The following GTF2I variants were observed in gnomAD, a reference collection of about 807,000 sequenced individuals.
The protein encoded by GTF2I is general transcription factor II-I.
In GTF2I, 12 loss-of-function variants were observed where a neutral mutation model predicts 67.6. That is an observed-to-expected ratio of 0.18 (90% CI 0.11 to 0.29). The LOEUF is 0.29. GTF2I is among the 10% of genes least tolerant of loss of function. The pLI, the probability that GTF2I is intolerant of heterozygous loss-of-function variation, is 1.00. For synonymous variants in GTF2I, 149 were observed against 197.0 expected (o/e 0.76, Z 2.04); for missense variants, 271 against 580.1 (o/e 0.47, Z 5.47).
At chr7:74,732,108 T>C (rs1794536681) in intron 14 of GTF2I, among the ~76,000 whole-genome samples, 1 of 148,216 alleles carries the variant, frequency 6.7e-6, no homozygotes, top group Non-Finnish European at 1.5e-5. Flanking sequence ...TACACACATA[T>C]ACATATATAT....
chr7:74,714,762 A>G (rs1346665219), intron 9 of GTF2I, 95 bp from the exon 10 acceptor site: 4 of 639,088 alleles, frequency 6.3e-6, no homozygotes, highest in South Asian at 2.4e-5. Flanking sequence ...TAAAAAGGCC[A>G]TTCCATGTAT....
chr7:74,729,899 G>T (rs1257537859), intron 13 of GTF2I, among the ~76,000 whole-genome samples: 1 of 150,362 alleles, frequency 6.7e-6, no homozygotes, highest in Non-Finnish European at 1.5e-5. Context: ...TCTCCCTTTT[G>T]TCGTGTTTCA....
At chr7:74,666,530 C>T (rs75783496) in intron 1 of GTF2I, among the ~76,000 whole-genome samples, 20 of 151,810 alleles carry the variant, frequency 1.3e-4, no homozygotes, top group South Asian at 6.2e-4. Context: ...TTTTCCCCCC[C>T]GGTAAGCATT....
At chr7:74,683,904 T>G (rs1359329722) in intron 1 of GTF2I, among the ~76,000 whole-genome samples, 1 of 152,100 alleles carries the variant, frequency 6.6e-6, no homozygotes, top group East Asian at 1.9e-4. Flanking sequence ...GCATTCCTTA[T>G]GAGCACAGAG....
intron 1 of GTF2I, among the ~76,000 whole-genome samples, chr7:74,674,839 G>T (rs1258102386): frequency 2.9e-5 from 4 of 136,158 alleles, no homozygotes; most frequent in African/African-American, 1.1e-4. Flanking sequence ...GAGCCACTAT[G>T]CCCAGCCCTC....
intron 2 of GTF2I, among the ~76,000 whole-genome samples, chr7:74,689,614 A>T (rs1416785154): frequency 6.6e-6 from 1 of 151,872 alleles, no homozygotes. Flanking sequence ...TCAGCCGCCC[A>T]AAGTGCTGGG....
chr7:74,725,510 G>A (rs1256634932), intron 12 of GTF2I, among the ~76,000 whole-genome samples: 1 of 145,470 alleles, frequency 6.9e-6, no homozygotes, highest in Non-Finnish European at 1.5e-5. Context: ...AACATAGGGG[G>A]ACCCCTATCT....
Position 74,683,290 on chromosome 7 carries a change from C to T in GTF2I, c.-5-5834C>T, listed in dbSNP as rs114815596. On this transcript the variant is annotated intron_variant, in intron 1 of 34. Coordinates refer to ENST00000573035, the MANE Select transcript of GTF2I (RefSeq NM_032999.4). ...GAATGGGAATCACCTAAAAAGAGAC[C>T]GTAGATTACTTCTCAATAGCGACAG... 6.3e-3 allele frequency among the ~76,000 whole-genome samples: 957 copies of T among 152,166 alleles called. 11 individuals carry two copies. Among genetic ancestry groups the T allele is most frequent in the African/African-American group, 0.022 (907 of 41,516 alleles).
intron 11 of GTF2I, among the ~76,000 whole-genome samples, chr7:74,717,649 G>A (rs1340902970): frequency 1.3e-5 from 2 of 151,994 alleles, no homozygotes; most frequent in Non-Finnish European, 2.9e-5. Flanking sequence ...CTCATAAATT[G>A]GTCATGTTAT....
At chr7:74,679,455 A>G (rs923637812) in intron 1 of GTF2I, among the ~76,000 whole-genome samples, 2 of 152,128 alleles carry the variant, frequency 1.3e-5, no homozygotes, top group Admixed American at 6.6e-5. Context: ...AGTGTCCACT[A>G]TCATCTTTGC....
chr7:74,702,314 G>A (rs181979999), intron 6 of GTF2I, among the ~76,000 whole-genome samples: 4 of 151,594 alleles, frequency 2.6e-5, no homozygotes, highest in Non-Finnish European at 4.4e-5. Context: ...TGCAACCTCC[G>A]CCTCGTGGAT....
At chr7:74,698,873 A>G in intron 3 of GTF2I, 88 bp from the exon 4 acceptor site, 1 of 550,810 alleles carries the variant, frequency 1.8e-6, no homozygotes, top group Non-Finnish European at 2.8e-6. Flanking sequence ...GGATACAGGA[A>G]AACGATTTTT....
At chr7:74,685,233 C>T (rs1214878224) in intron 1 of GTF2I, among the ~76,000 whole-genome samples, 3 of 152,244 alleles carry the variant, frequency 2.0e-5, no homozygotes, top group Non-Finnish European at 4.4e-5. Context: ...CCCTGCCGGG[C>T]TCCAGTAATC....
At chr7:74,716,708 C>G (rs1554403695) in intron 10 of GTF2I, 186 bp from the exon 11 acceptor site, 1 of 490,018 alleles carries the variant, frequency 2.0e-6, no homozygotes, top group Non-Finnish European at 3.6e-6. Flanking sequence ...TTTTAGCTTC[C>G]AAATAGAAGC....
At chr7:74,733,333 ATT>A (rs1794643133) in intron 15 of GTF2I, among the ~76,000 whole-genome samples, 1 of 115,984 alleles carries the variant, frequency 8.6e-6, no homozygotes, top group African/African-American at 3.3e-5. Context: ...CCCATTTAAG[ATT>A]TTTGTAATAT....
intron 3 of GTF2I, among the ~76,000 whole-genome samples, chr7:74,692,823 T>C (rs899251974): frequency 3.3e-5 from 5 of 152,114 alleles, no homozygotes; most frequent in Non-Finnish European, 7.4e-5. Flanking sequence ...AGTGCAATGG[T>C]GCGATCTCGG....
chr7:74,662,540 T>TTTTTTA (rs1554387056), intron 1 of GTF2I, among the ~76,000 whole-genome samples: 1 of 130,858 alleles, frequency 7.6e-6, no homozygotes, highest in Non-Finnish European at 1.5e-5. Context: ...TTTTTTTTTT[T>TTTTTTA]GAGACACAGT....
At chr7:74,696,937 A>G (rs1430240263) in intron 3 of GTF2I, among the ~76,000 whole-genome samples, 1 of 152,194 alleles carries the variant, frequency 6.6e-6, no homozygotes, top group African/African-American at 2.4e-5. Context: ...TCTGGGATTT[A>G]GAAAAGCGTT....
intron 6 of GTF2I, among the ~76,000 whole-genome samples, chr7:74,703,542 G>A (rs191129918): frequency 1.3e-5 from 2 of 152,150 alleles, no homozygotes; most frequent in East Asian, 3.9e-4. Context: ...ACCATGCCCG[G>A]ATAACTTTAG....
Sources: gnomAD v4.1 joint callset for allele counts (sites outside exome capture counted in the v4.1 genomes callset) on GRCh38, gnomAD v4.1.1 for gene constraint, MANE v1.5 for transcripts, NCBI Gene and HGNC (gene_info 2026-07-23, HGNC 2026-07-21) for gene names.